Variants in WDR72 observed in about 807,000 individuals in gnomAD.
The protein encoded by WDR72 is WD repeat domain 72.
WDR72 carries 120 observed loss-of-function variants against 124.2 expected under a neutral mutation model. The ratio of observed to expected loss-of-function variants is 0.97; its 90% confidence interval spans 0.83 to 1.12. WDR72 has a LOEUF of 1.12. WDR72 is among the 50% of genes most tolerant of loss of function. The probability of loss-of-function intolerance (pLI) is 0.00; values close to 1 mark genes in which losing one functional copy is unlikely to be tolerated. For missense variants in WDR72, 1,387 were observed against 1,278.8 expected (o/e 1.08, Z -1.29); for synonymous variants, 452 against 441.7 (o/e 1.02, Z -0.29).
intron 18 of WDR72, among the ~76,000 whole-genome samples, chr15:53,591,388 A>G (rs1038046368): frequency 2.0e-5 from 3 of 152,050 alleles, no homozygotes; most frequent in Non-Finnish European, 2.9e-5. Flanking sequence ...GGAGATAGGC[A>G]CTGTACAAAA....
At chr15:53,580,588 CAG>C (rs979986474) in intron 18 of WDR72, among the ~76,000 whole-genome samples, 1 of 152,004 alleles carries the variant, frequency 6.6e-6, no homozygotes, top group African/African-American at 2.4e-5. Context: ...GGGCACCAAA[CAG>C]AGGCACAGCA....
intron 9 of WDR72, among the ~76,000 whole-genome samples, chr15:53,709,515 C>T (rs1193874763): frequency 6.6e-6 from 1 of 152,262 alleles, no homozygotes; most frequent in Non-Finnish European, 1.5e-5. Flanking sequence ...CAAGAAGCCC[C>T]TAAAGGGCAC....
intron 13 of WDR72, among the ~76,000 whole-genome samples, chr15:53,681,656 T>C (rs1490040903): frequency 6.6e-6 from 1 of 152,208 alleles, no homozygotes; most frequent in Non-Finnish European, 1.5e-5. Context: ...AAAGTAATTT[T>C]AAGAGCAGAC....
At chr15:53,757,465 A>G (rs2018939834) in intron 1 of WDR72, among the ~76,000 whole-genome samples, 2 of 151,986 alleles carry the variant, frequency 1.3e-5, no homozygotes, top group African/African-American at 4.8e-5. Context: ...TCTACTAAAA[A>G]TACAAAAATT....
chr15:53,737,108 C>T (rs2140625874), intron 1 of WDR72, among the ~76,000 whole-genome samples: 1 of 151,778 alleles, frequency 6.6e-6, no homozygotes, highest in East Asian at 2.0e-4. Flanking sequence ...AATGAGCTTA[C>T]ATAGCATCTC....
Position 53,716,696 on chromosome 15 carries a change from A to G in WDR72, c.261-11T>C, listed in dbSNP as rs768798960. On this transcript the variant is annotated splice_polypyrimidine_tract_variant and intron_variant, in intron 3 of 19. Coordinates refer to ENST00000360509, the MANE Select transcript of WDR72 (RefSeq NM_182758.4). Reference sequence around the variant, plus strand: ...CAAACACACATCTCCCTAGCAGAAGATAACTTTGTGTTATTCTCTGTCATT... The same window carrying G: ...CAAACACACATCTCCCTAGCAGAAGGTAACTTTGTGTTATTCTCTGTCATT... 7 of 1,587,932 alleles carry G rather than the reference A, an allele frequency of 4.4e-6. No homozygotes were observed. In the South Asian group the frequency reaches 7.7e-5, roughly 18 times the overall value.
intron 14 of WDR72, among the ~76,000 whole-genome samples, chr15:53,628,279 G>T (rs1188336431): frequency 1.3e-5 from 2 of 152,060 alleles, no homozygotes; most frequent in Non-Finnish European, 2.9e-5. Context: ...AGCATTAGAA[G>T]TGTAGTTAAT....
intron 14 of WDR72, among the ~76,000 whole-genome samples, chr15:53,640,008 T>C (rs2014788393): frequency 6.6e-6 from 1 of 152,216 alleles, no homozygotes; most frequent in South Asian, 2.1e-4. Context: ...TTCTAGTAAC[T>C]ATTCAATGCT....
chr15:53,717,829 T>C (rs1267833831), intron 3 of WDR72, among the ~76,000 whole-genome samples: 2 of 152,178 alleles, frequency 1.3e-5, no homozygotes, highest in Non-Finnish European at 2.9e-5. Flanking sequence ...TCCCTCTGTT[T>C]ATATCCAGCC....
intron 9 of WDR72, among the ~76,000 whole-genome samples, chr15:53,707,531 C>A (rs902476825): frequency 6.6e-6 from 1 of 152,018 alleles, no homozygotes; most frequent in African/African-American, 2.4e-5. Flanking sequence ...ACTGCAAGCT[C>A]TGCCTCCAGG....
chr15:53,538,223 G>T (rs1401374854), intron 18 of WDR72, among the ~76,000 whole-genome samples: 1 of 152,072 alleles, frequency 6.6e-6, no homozygotes, highest in Admixed American at 6.5e-5. Context: ...TATTGTATGT[G>T]CACAATCAAA....
At chr15:53,745,034 T>TAAAA (rs35297294) in intron 1 of WDR72, among the ~76,000 whole-genome samples, 19,327 of 144,474 alleles carry the variant, frequency 0.13, 1,663 homozygotes, top group Middle Eastern at 0.19. Flanking sequence ...TACTTTATTG[T>TAAAA]AAAAAAAAAA....
Position 53,714,508 on chromosome 15 carries a change from C to G in WDR72, c.517G>C (p.Asp173His). Residue 173 changes from aspartate to histidine, a missense_variant and splice_region_variant, in exon 6 of 20, where the codon GAT becomes CAT. Physicochemically the swap from Asp to His is moderately conservative, Grantham distance 81. Transcript: ENST00000360509. ...CIVHSMRIQE[D>H]SLLVVSVAGE... ...GCTACTGATACCACCAAGAGAGAAT[C>G]TTCTGTGAAAATAATAAAAGTCACA... 6.2e-7 allele frequency: 1 copy of G among 1,612,754 alleles called. No homozygotes were observed. Among genetic ancestry groups the G allele is most frequent in the Non-Finnish European group, 8.5e-7 (1 of 1,178,904 alleles).
intron 13 of WDR72, among the ~76,000 whole-genome samples, chr15:53,678,732 T>C (rs550866618): frequency 2.0e-5 from 3 of 152,326 alleles, no homozygotes; most frequent in African/African-American, 7.2e-5. Flanking sequence ...GCGTATCCTA[T>C]GCCACAAGGT....
chr15:53,691,513 CAA>C (rs1204196549), intron 13 of WDR72, among the ~76,000 whole-genome samples: 1 of 152,110 alleles, frequency 6.6e-6, no homozygotes, highest in African/African-American at 2.4e-5. Context: ...CTTTGATACA[CAA>C]AAGTTTTTAA....
chr15:53,712,406 A>G (rs1321056863), intron 7 of WDR72, among the ~76,000 whole-genome samples: 2 of 152,104 alleles, frequency 1.3e-5, no homozygotes, highest in African/African-American at 2.4e-5. Context: ...GATCGGCCTG[A>G]CCAACATGGT....
At chr15:53,582,094 G>T (rs1595773707) in intron 18 of WDR72, among the ~76,000 whole-genome samples, 1 of 151,846 alleles carries the variant, frequency 6.6e-6, no homozygotes, top group Admixed American at 6.6e-5. Flanking sequence ...TATAACTGGA[G>T]CATCTAAGTG....
At chr15:53,747,200 CAA>C (rs1243480557) in intron 1 of WDR72, among the ~76,000 whole-genome samples, 2 of 152,044 alleles carry the variant, frequency 1.3e-5, no homozygotes, top group Non-Finnish European at 2.9e-5. Context: ...CTCCTGAAGC[CAA>C]AGTTATTATT....
At chr15:53,613,566 GTTAT>G (rs2013632426) in intron 16 of WDR72, 96 bp downstream of exon 16, 1 of 796,452 alleles carries the variant, frequency 1.3e-6, no homozygotes, top group Non-Finnish European at 2.2e-6. Flanking sequence ...TTTTATATAT[GTTAT>G]TTATTTTGAC....
Sources: gnomAD v4.1 joint callset for allele counts (sites outside exome capture counted in the v4.1 genomes callset) on GRCh38, gnomAD v4.1.1 for gene constraint, MANE v1.5 for transcripts, NCBI Gene and HGNC (gene_info 2026-07-23, HGNC 2026-07-21) for gene names.